Variants in TNS3 observed in about 807,000 individuals in gnomAD.
TNS3 encodes the protein tensin 3, also known as tensin-3.
In TNS3, 45 loss-of-function variants were observed where a neutral mutation model predicts 140.9. That is an observed-to-expected ratio of 0.32 (90% CI 0.25 to 0.41). The LOEUF is 0.41. TNS3 is among the 10% of genes least tolerant of loss of function. The pLI, the probability that TNS3 is intolerant of heterozygous loss-of-function variation, is 1.00. For missense variants in TNS3, 1,716 were observed against 1,906.7 expected (o/e 0.90, Z 1.86); for synonymous variants, 815 against 788.4 (o/e 1.03, Z -0.56).
intron 12 of TNS3, 128 bp from the exon 13 acceptor site, chr7:47,411,930 T>G (rs1273636967): frequency 2.4e-6 from 2 of 847,842 alleles, no homozygotes; most frequent in Non-Finnish European, 3.7e-6. Context: ...CAGCCCAGAA[T>G]CTAATTCCTG....
intron 3 of TNS3, among the ~76,000 whole-genome samples, chr7:47,489,991 G>C (rs1196958682): frequency 1.3e-5 from 2 of 152,176 alleles, no homozygotes; most frequent in African/African-American, 4.8e-5. Context: ...TTCAAAAAGA[G>C]AAAGAGGACA....
chr7:47,507,614 T>G lies in TNS3; in HGVS notation c.-152-670A>C, dbSNP rs568305436. Among the ~76,000 whole-genome samples, 5 of 152,244 alleles carry G rather than the reference T, an allele frequency of 3.3e-5. No homozygotes were observed. The East Asian group carries it at 9.7e-4, about 29-fold the overall frequency. ...CCCTTCGGAGGCCCTAACAATGCAATGCAGAGCTGGAACCAATGCGGATTT... is the reference window on the plus strand; with the variant it reads ...CCCTTCGGAGGCCCTAACAATGCAAGGCAGAGCTGGAACCAATGCGGATTT... On this transcript the variant is annotated intron_variant, in intron 2 of 30. Coordinates refer to ENST00000311160, the MANE Select transcript of TNS3 (RefSeq NM_022748.12).
At chr7:47,300,040 T>C (rs1357140308) in intron 23 of TNS3, among the ~76,000 whole-genome samples, 1 of 152,210 alleles carries the variant, frequency 6.6e-6, no homozygotes, top group Non-Finnish European at 1.5e-5. Context: ...GGTATTTTTA[T>C]GTTAGCTTTA....
At chr7:47,560,036 G>A (rs982951106) in intron 1 of TNS3, among the ~76,000 whole-genome samples, 5 of 152,088 alleles carry the variant, frequency 3.3e-5, no homozygotes, top group African/African-American at 1.2e-4. Context: ...TGCAAGAGCC[G>A]GCCGCGGGTC....
Position 47,291,938 on chromosome 7 carries a change from G to A in TNS3, c.3928+17C>T. The A allele has an allele frequency of 6.2e-7, 1 of 1,613,760 alleles. No homozygotes were observed. Among genetic ancestry groups the A allele is most frequent in the Non-Finnish European group, 8.5e-7 (1 of 1,179,808 alleles). On this transcript the variant is annotated intron_variant, in intron 27 of 30. Coordinates refer to ENST00000311160, the MANE Select transcript of TNS3 (RefSeq NM_022748.12). ...TCCCCAGTCACCAGATGTAGAAATG[G>A]AGCTGCATTTACTGACCTGCCCCCT...
intron 22 of TNS3, among the ~76,000 whole-genome samples, 198 bp downstream of exon 22, chr7:47,302,752 A>C (rs1450356631): frequency 6.6e-6 from 1 of 152,252 alleles, no homozygotes; most frequent in African/African-American, 2.4e-5. Flanking sequence ...ACAGAAGCCA[A>C]GAAGAGTGAA....
intron 2 of TNS3, among the ~76,000 whole-genome samples, chr7:47,519,822 T>TTC (rs1357853176): frequency 0.02 from 2,611 of 132,604 alleles, 89 homozygotes; most frequent in African/African-American, 0.069. Context: ...ATTTCTTTTT[T>TTC]TTTTTTTTTT....
intron 2 of TNS3, among the ~76,000 whole-genome samples, chr7:47,511,603 G>A (rs992317809): frequency 1.3e-5 from 2 of 151,610 alleles, no homozygotes; most frequent in African/African-American, 2.4e-5. Context: ...CCCGAGACCC[G>A]CAGCGCGAGG....
chr7:47,411,847 T>C, intron 12 of TNS3, 45 bp from the exon 13 acceptor site: 1 of 1,582,946 alleles, frequency 6.3e-7, no homozygotes, highest in Non-Finnish European at 8.6e-7. Flanking sequence ...ACTTCATGAT[T>C]TTGTGGGAAG....
chr7:47,358,060 A>G (rs528667056), intron 17 of TNS3, among the ~76,000 whole-genome samples: 2 of 152,232 alleles, frequency 1.3e-5, no homozygotes. Context: ...ACAGGCTTCA[A>G]TGCCTGCCTG....
chr7:47,486,486 T>C (rs534392727), intron 3 of TNS3, among the ~76,000 whole-genome samples: 1 of 152,300 alleles, frequency 6.6e-6, no homozygotes, highest in Admixed American at 6.5e-5. Context: ...ATGAAAGCAC[T>C]TCAGCTAACA....
intron 22 of TNS3, 31 bp downstream of exon 22, chr7:47,302,919 G>T (rs1299244528): frequency 6.4e-7 from 1 of 1,566,178 alleles, no homozygotes; most frequent in African/African-American, 1.4e-5. Context: ...TGGACAGAGG[G>T]GCCCTTCCAA....
intron 10 of TNS3, among the ~76,000 whole-genome samples, chr7:47,423,730 T>A (rs192869385): frequency 1.5e-3 from 232 of 152,324 alleles, no homozygotes; most frequent in Non-Finnish European, 2.6e-3. Context: ...AAATATCCAC[T>A]CTCTAGTCCG....
intron 17 of TNS3, among the ~76,000 whole-genome samples, chr7:47,349,209 C>A (rs549840277): frequency 6.6e-6 from 1 of 150,694 alleles, no homozygotes; most frequent in East Asian, 1.9e-4. Flanking sequence ...AAAAGAGTCT[C>A]AAAAAAAAAT....
intron 16 of TNS3, among the ~76,000 whole-genome samples, chr7:47,386,336 TC>T (rs1792067018): frequency 6.6e-6 from 1 of 152,204 alleles, no homozygotes; most frequent in South Asian, 2.1e-4. Flanking sequence ...CCTCCTCCTG[TC>T]CACAGAAACC....
intron 12 of TNS3, among the ~76,000 whole-genome samples, chr7:47,412,393 C>A (rs1318074251): frequency 6.6e-6 from 1 of 152,112 alleles, no homozygotes; most frequent in Non-Finnish European, 1.5e-5. Context: ...CCAAGGCAGG[C>A]AGATCACTTG....
At chr7:47,361,958 C>A (rs1790361102) in intron 17 of TNS3, among the ~76,000 whole-genome samples, 1 of 152,172 alleles carries the variant, frequency 6.6e-6, no homozygotes, top group Non-Finnish European at 1.5e-5. Context: ...CCCACGGAAT[C>A]ATGAATTTCA....
intron 2 of TNS3, among the ~76,000 whole-genome samples, chr7:47,510,937 C>CA (rs1562818055): frequency 6.7e-6 from 1 of 149,596 alleles, no homozygotes; most frequent in Admixed American, 6.7e-5. Flanking sequence ...TTAAAATCAA[C>CA]AATATTATTA....
At chr7:47,336,458 A>C (rs1348783233) in intron 20 of TNS3, among the ~76,000 whole-genome samples, 6 of 152,192 alleles carry the variant, frequency 3.9e-5, no homozygotes, top group African/African-American at 1.4e-4. Flanking sequence ...TTATTTGGAA[A>C]AGACTCCTTT....
Sources: allele counts gnomAD v4.1 joint callset (sites outside exome capture counted in the v4.1 genomes callset), GRCh38; gene constraint gnomAD v4.1.1; transcripts MANE v1.5; gene names NCBI Gene and HGNC (gene_info 2026-07-23, HGNC 2026-07-21).